The following LRP1B variants were observed in gnomAD, a reference collection of about 807,000 sequenced individuals.
The protein encoded by LRP1B is LDL receptor related protein 1B, also known as low-density lipoprotein receptor-related protein 1B.
LRP1B carries 217 observed loss-of-function variants against 556.6 expected under a neutral mutation model. The observed-to-expected ratio is 0.39, with a 90% CI of 0.35 to 0.44. The LOEUF is 0.44. LRP1B is among the 20% of genes least tolerant of loss of function. The pLI, the probability that LRP1B is intolerant of heterozygous loss-of-function variation, is 1.00. For missense variants in LRP1B, 5,053 were observed against 5,620.8 expected (o/e 0.90, Z 3.23); for synonymous variants, 2,047 against 1,865.8 (o/e 1.10, Z -2.50).
chr2:141,107,515 G>A (rs1184104275), intron 7 of LRP1B, among the ~76,000 whole-genome samples: 9 of 152,050 alleles, frequency 5.9e-5, no homozygotes, highest in African/African-American at 2.2e-4. Context: ...ACATGGTGGT[G>A]TGTACCTGTA....
chr2:141,661,629 G>T (rs1690223683), intron 2 of LRP1B, among the ~76,000 whole-genome samples: 1 of 152,092 alleles, frequency 6.6e-6, no homozygotes, highest in Non-Finnish European at 1.5e-5. Context: ...CAAGATTACA[G>T]AAAAAAGAAT....
intron 18 of LRP1B, among the ~76,000 whole-genome samples, chr2:140,965,738 G>C (rs1434748461): frequency 6.6e-6 from 1 of 150,968 alleles, no homozygotes. Context: ...CCCAGTGTGC[G>C]ATGTTCCCTG....
chr2:140,950,729 C>A (rs1695688637), intron 19 of LRP1B, among the ~76,000 whole-genome samples: 1 of 152,008 alleles, frequency 6.6e-6, no homozygotes, highest in Non-Finnish European at 1.5e-5. Flanking sequence ...TGGCCTCAAG[C>A]AATCCACCCT....
chr2:141,414,016 G>A (rs1009523974), intron 3 of LRP1B, among the ~76,000 whole-genome samples: 1 of 151,998 alleles, frequency 6.6e-6, no homozygotes, highest in African/African-American at 2.4e-5. Flanking sequence ...GCATCACGAG[G>A]TCAGAGGTCA....
At chr2:141,061,509 A>C (rs1213714955) in intron 8 of LRP1B, among the ~76,000 whole-genome samples, 1 of 151,806 alleles carries the variant, frequency 6.6e-6, no homozygotes, top group Non-Finnish European at 1.5e-5. Context: ...CAAAGTAAAA[A>C]GTAACACATT....
intron 18 of LRP1B, among the ~76,000 whole-genome samples, chr2:140,956,851 C>A (rs1283915897): frequency 6.6e-6 from 1 of 151,624 alleles, no homozygotes; most frequent in Non-Finnish European, 1.5e-5. Flanking sequence ...CATCTCTGAA[C>A]AGAGGTCTGT....
chr2:141,728,089 A>G lies in LRP1B; in HGVS notation c.205+82190T>C, dbSNP rs554698521. On this transcript the variant is annotated intron_variant, in intron 2 of 90. Coordinates refer to ENST00000389484, the MANE Select transcript of LRP1B (RefSeq NM_018557.3). ...AGCAGTATTTTTCATGAGGTGTAACAGCTACTGAGGGTGAAATGTTCCGCT... is the reference window on the plus strand; with the variant it reads ...AGCAGTATTTTTCATGAGGTGTAACGGCTACTGAGGGTGAAATGTTCCGCT... Among the ~76,000 whole-genome samples, 37 of 152,264 alleles carry G rather than the reference A, an allele frequency of 2.4e-4. No homozygotes were observed. The South Asian group carries it at 7.7e-3, about 32-fold the overall frequency.
At chr2:142,022,760 TC>T (rs1390555906) in intron 1 of LRP1B, among the ~76,000 whole-genome samples, 1 of 152,160 alleles carries the variant, frequency 6.6e-6, no homozygotes, top group East Asian at 1.9e-4. Context: ...AACCTCCACC[TC>T]CCAGTTTCAA....
In LRP1B at chr2:141,119,419, C is replaced by T. The variant is rs569620389; in HGVS notation, c.1014-57146G>A. Among the ~76,000 whole-genome samples the T allele has an allele frequency of 1.8e-4, 27 of 151,782 alleles. No individual in the cohort carries two copies. The East Asian group carries it at 4.6e-3, about 26-fold the overall frequency. ...ATTTGCTAGATATTCTAAAAGTTTTCAATTAAAAATGAGGCAGCAAGCATA... is the reference window on the plus strand; with the variant it reads ...ATTTGCTAGATATTCTAAAAGTTTTTAATTAAAAATGAGGCAGCAAGCATA... On this transcript the variant is annotated intron_variant, in intron 7 of 90. Transcript: ENST00000389484.
At position 140,247,126 on chromosome 2, in the gene LRP1B, C is replaced by T. The variant is rs142361003; in HGVS notation, c.13284G>A (p.Arg4428=). Residue 4428 remains arginine (R), a synonymous_variant, in exon 87 of 91, where the codon AGG becomes AGA. Transcript: ENST00000389484. ...CAGACTTGCTGCTCTTTGGGGCTGG[C>T]CTTTCACACTGTGTGCCTGACCAGT... is the stretch of plus-strand genomic sequence containing the variant. ...STNWSGTQCE[R]PAPKSSKSDH... 5.0e-6 allele frequency: 8 copies of T among 1,609,280 alleles called. No individual in the cohort carries two copies. In the African/African-American group the frequency reaches 5.4e-5, roughly 11 times the overall value.
intron 41 of LRP1B, among the ~76,000 whole-genome samples, chr2:140,638,612 G>A (rs1039855554): frequency 2.0e-5 from 3 of 152,172 alleles, no homozygotes; most frequent in South Asian, 2.1e-4. Context: ...TGAATGAATC[G>A]AAGTAACTTA....
chr2:140,856,978 A>G lies in LRP1B; in HGVS notation c.4580-5195T>C, dbSNP rs74413228. Among the ~76,000 whole-genome samples, 4,911 of 152,272 alleles carry G rather than the reference A, an allele frequency of 0.032. 451 individuals carry two copies. The East Asian group carries it at 0.32, about 10-fold the overall frequency. Reference sequence around the variant, plus strand: ...AAATAATGCATAACTACAATACTTCATAGGAGAAATGTGTTAATTGTGCAA... The same window carrying G: ...AAATAATGCATAACTACAATACTTCGTAGGAGAAATGTGTTAATTGTGCAA... On this transcript the variant is annotated intron_variant, in intron 27 of 90. Coordinates refer to ENST00000389484, the MANE Select transcript of LRP1B (RefSeq NM_018557.3).
chr2:140,624,241 C>T (rs946269644), intron 41 of LRP1B, among the ~76,000 whole-genome samples: 1 of 151,954 alleles, frequency 6.6e-6, no homozygotes, highest in Non-Finnish European at 1.5e-5. Context: ...TTTAGGCCTA[C>T]TCACAAGGCA....
intron 43 of LRP1B, among the ~76,000 whole-genome samples, chr2:140,542,576 A>G (rs1411010415): frequency 6.6e-6 from 1 of 152,144 alleles, no homozygotes; most frequent in Non-Finnish European, 1.5e-5. Flanking sequence ...ACACTTTTCA[A>G]CACATTGCAC....
intron 3 of LRP1B, among the ~76,000 whole-genome samples, chr2:141,344,251 C>T (rs1688169093): frequency 6.6e-6 from 1 of 152,110 alleles, no homozygotes; most frequent in Non-Finnish European, 1.5e-5. Flanking sequence ...AAAATCTTCT[C>T]TTCACATCTC....
At chr2:140,705,521 CAAA>C (rs565447198) in intron 37 of LRP1B, among the ~76,000 whole-genome samples, 27 of 68,206 alleles carry the variant, frequency 4.0e-4, no homozygotes, top group African/African-American at 1.5e-3. Context: ...GAGACTGTCT[CAAA>C]AAAAAAAAAA....
intron 23 of LRP1B, among the ~76,000 whole-genome samples, chr2:140,886,975 G>T (rs192877059): frequency 6.6e-6 from 1 of 152,120 alleles, no homozygotes. Flanking sequence ...GTTTCTTTTA[G>T]TATTATTTTT....
chr2:141,617,585 A>G (rs890470211), intron 2 of LRP1B, among the ~76,000 whole-genome samples: 2 of 152,184 alleles, frequency 1.3e-5, no homozygotes, highest in Non-Finnish European at 2.9e-5. Context: ...GTCTTTTCTC[A>G]TAAGATTGTG....
At chr2:141,219,588 C>A (rs1213675543) in intron 6 of LRP1B, among the ~76,000 whole-genome samples, 1 of 152,186 alleles carries the variant, frequency 6.6e-6, no homozygotes, top group African/African-American at 2.4e-5. Context: ...GGCAGCCAAG[C>A]TGTTTTGTTA....
Sources: gnomAD v4.1 joint callset for allele counts (sites outside exome capture counted in the v4.1 genomes callset) on GRCh38, gnomAD v4.1.1 for gene constraint, MANE v1.5 for transcripts, NCBI Gene and HGNC (gene_info 2026-07-23, HGNC 2026-07-21) for gene names.